Variants in RHBDL2 observed in about 807,000 individuals in gnomAD.
RHBDL2 encodes the protein rhomboid-related protein 2.
RHBDL2 carries 26 observed loss-of-function variants against 31.7 expected under a neutral mutation model. That is an observed-to-expected ratio of 0.82 (90% CI 0.60 to 1.14). RHBDL2 has a LOEUF of 1.14. Among genes scored for constraint, RHBDL2 ranks in the 50% most tolerant of loss-of-function variants. RHBDL2 has a pLI of 0.00. For synonymous variants in RHBDL2, 123 were observed against 127.2 expected (o/e 0.97, Z 0.22); for missense variants, 336 against 364.4 (o/e 0.92, Z 0.63).
At chr1:38,928,868 C>A (rs1384967716) in intron 1 of RHBDL2, among the ~76,000 whole-genome samples, 2 of 151,986 alleles carry the variant, frequency 1.3e-5, no homozygotes, top group Non-Finnish European at 2.9e-5. Flanking sequence ...TGAGACCAGC[C>A]TGGGCAACAC....
rs907117108 is a variant in RHBDL2, at chr1:38,915,637, T to C, written c.320A>G (p.Glu107Gly). 6.2e-7 allele frequency: 1 copy of C among 1,613,972 alleles called. No homozygotes were observed. Among genetic ancestry groups the C allele is most frequent in the Non-Finnish European group, 8.5e-7 (1 of 1,179,982 alleles). The change falls in exon 3 of 8, where the codon GAG (glutamate) becomes GGG (glycine). Residue 107 changes from glutamate to glycine, a missense_variant. By Grantham distance (98) the Glu-to-Gly change is moderately conservative. Coordinates refer to ENST00000372990, the MANE Select transcript of RHBDL2 (RefSeq NM_017821.5). ...QWITLDTGIL[E>G]SPFIYSPEKR... The stretch of plus-strand genomic sequence containing the variant: ...CTCAGGACTGTAGATAAAGGGACTC[T>C]CCAAGATGCCTGTGTCCAACGTGAT...
At position 38,919,079 on chromosome 1, in the gene RHBDL2, A is replaced by G. The variant is rs753390691; in HGVS notation, c.134T>C (p.Val45Ala). The change falls in exon 2 of 8, where the codon GTC becomes GCC. Residue 45 changes from valine to alanine, a missense_variant. Val to Ala is a moderately conservative substitution (Grantham distance 64). Transcript: ENST00000372990. ...GGKDRAKSKKVHRIVSKWMLP... is the reference protein window; with the variant it reads ...GGKDRAKSKKAHRIVSKWMLP... ...CATCCATTTTGAGACAATCCTGTGG[A>G]CCTTTTTACTCTTGGCCCGATCTTT... is the stretch of plus-strand genomic sequence containing the variant. 17 of 1,613,904 alleles carry G rather than the reference A, an allele frequency of 1.1e-5. No individual in the cohort carries two copies. The highest frequency in any genetic ancestry group is 1.4e-5 in the Non-Finnish European group (16 of 1,179,982).
At position 38,895,778 on chromosome 1, in the gene RHBDL2, G is replaced by A. The variant is rs1353131828; in HGVS notation, c.609+191C>T. Among the ~76,000 whole-genome samples the A allele has an allele frequency of 2.6e-5, 4 of 152,180 alleles. No homozygotes were observed. The East Asian group carries it at 5.8e-4, about 22-fold the overall frequency. On this transcript the variant is annotated intron_variant, in intron 5 of 7. Coordinates refer to ENST00000372990, the MANE Select transcript of RHBDL2 (RefSeq NM_017821.5). ...TTATCACACCACTGCATTCCAGCCTGGGCAATGGTGCAAGACTCTGTCTCA... is the reference window on the plus strand; with the variant it reads ...TTATCACACCACTGCATTCCAGCCTAGGCAATGGTGCAAGACTCTGTCTCA...
intron 1 of RHBDL2, among the ~76,000 whole-genome samples, chr1:38,931,312 G>A (rs542660141): frequency 6.6e-6 from 1 of 152,218 alleles, no homozygotes; most frequent in African/African-American, 2.4e-5. Context: ...ACGAGGTCAG[G>A]AGATCGAGAC....
chr1:38,913,090 C>A (rs1249443952), intron 3 of RHBDL2, among the ~76,000 whole-genome samples: 1 of 151,280 alleles, frequency 6.6e-6, no homozygotes, highest in East Asian at 1.9e-4. Flanking sequence ...TCAAACGATT[C>A]TCCTGCCTCA....
chr1:38,905,448 C>T (rs1009421696), intron 4 of RHBDL2, among the ~76,000 whole-genome samples: 5 of 149,082 alleles, frequency 3.4e-5, no homozygotes, highest in Non-Finnish European at 5.9e-5. Flanking sequence ...GTAAAGAGCA[C>T]CTACAAAAAA....
chr1:38,890,462 A>T (rs1232879157), intron 6 of RHBDL2, among the ~76,000 whole-genome samples: 1 of 152,196 alleles, frequency 6.6e-6, no homozygotes, highest in Non-Finnish European at 1.5e-5. Context: ...ACCTCCTCTC[A>T]GAAAGTCTTT....
intron 3 of RHBDL2, among the ~76,000 whole-genome samples, chr1:38,914,956 G>A (rs1240686703): frequency 6.8e-6 from 1 of 147,932 alleles, no homozygotes; most frequent in Admixed American, 6.7e-5. Context: ...TCCAACCCAG[G>A]AGGCGGAGGT....
intron 4 of RHBDL2, among the ~76,000 whole-genome samples, chr1:38,904,290 G>A (rs1420778674): frequency 6.6e-6 from 1 of 151,872 alleles, no homozygotes; most frequent in Non-Finnish European, 1.5e-5. Flanking sequence ...CCAACGTAGT[G>A]AAACCCCGTC....
intron 4 of RHBDL2, among the ~76,000 whole-genome samples, chr1:38,910,170 A>G (rs74583417): frequency 0.012 from 1,877 of 152,334 alleles, 54 homozygotes; most frequent in African/African-American, 0.043. Flanking sequence ...AATGGAGAAC[A>G]GGTTAGTGGT....
In RHBDL2 at chr1:38,919,097, C is replaced by T. The variant is rs758328005; in HGVS notation, c.116G>A (p.Arg39Gln). 7 of 1,613,994 alleles carry T rather than the reference C, an allele frequency of 4.3e-6. No homozygotes were observed. In the South Asian group the frequency reaches 4.4e-5, roughly 10 times the overall value. The change falls in exon 2 of 8, where the codon CGG (arginine) becomes CAG (glutamine). Residue 39 changes from arginine (R) to glutamine (Q), a missense_variant. Transcript: ENST00000372990. ...CCTGTGGACCTTTTTACTCTTGGCCCGATCTTTACCTCCCCCATCCTCTCT... is the reference window on the plus strand; with the variant it reads ...CCTGTGGACCTTTTTACTCTTGGCCTGATCTTTACCTCCCCCATCCTCTCT... ...KMREDGGGKDRAKSKKVHRIV... is the reference protein window; with the variant it reads ...KMREDGGGKDQAKSKKVHRIV...
chr1:38,935,725 A>T (rs1381077691), intron 1 of RHBDL2, among the ~76,000 whole-genome samples: 1 of 151,696 alleles, frequency 6.6e-6, no homozygotes, highest in Non-Finnish European at 1.5e-5. Flanking sequence ...CTATCCTTCC[A>T]CCTTAGCCTC....
intron 4 of RHBDL2, among the ~76,000 whole-genome samples, chr1:38,908,738 G>A (rs1456752624): frequency 2.0e-5 from 3 of 152,110 alleles, no homozygotes; most frequent in Admixed American, 2.0e-4. Context: ...TGAAGCCCCA[G>A]TGGGCATGTG....
intron 4 of RHBDL2, among the ~76,000 whole-genome samples, chr1:38,903,277 T>C (rs531007509): frequency 1.3e-5 from 2 of 151,902 alleles, no homozygotes; most frequent in East Asian, 3.9e-4. Context: ...GTAGCTGGGA[T>C]TACAGGCGCC....
At chr1:38,888,470 G>A (rs1229194400) in intron 6 of RHBDL2, among the ~76,000 whole-genome samples, 9 of 152,314 alleles carry the variant, frequency 5.9e-5, no homozygotes, top group Admixed American at 5.2e-4. Flanking sequence ...GCCAGTTGTC[G>A]AGTGTGATTT....
chr1:38,920,198 C>T (rs1371020212), intron 1 of RHBDL2, among the ~76,000 whole-genome samples: 11 of 110,004 alleles, frequency 1.0e-4, no homozygotes, highest in Non-Finnish European at 1.3e-4. Context: ...GATGTAGTCT[C>T]GCTCTGTCAC....
intron 1 of RHBDL2, among the ~76,000 whole-genome samples, chr1:38,920,310 G>A (rs570323729): frequency 6.6e-6 from 1 of 151,094 alleles, no homozygotes; most frequent in East Asian, 2.0e-4. Context: ...TGGGATTATG[G>A]GCACCCGGCA....
rs1046390780 is a variant in RHBDL2 at position 38,908,394 on chromosome 1, C to A, written c.508+2928G>T. Among the ~76,000 whole-genome samples the A allele has an allele frequency of 4.0e-5, 6 of 151,634 alleles. 1 individual carries two copies. Among genetic ancestry groups the A allele is most frequent in the South Asian group, 4.1e-4 (2 of 4,822 alleles). On this transcript the variant is annotated intron_variant, in intron 4 of 7. Transcript: ENST00000372990. Reference sequence around the variant, plus strand: ...GGGTGTGGTGGTGCCCACCTGTAATCCCAGCTACTCGGGAGGCTGAGGCAG... The same window carrying A: ...GGGTGTGGTGGTGCCCACCTGTAATACCAGCTACTCGGGAGGCTGAGGCAG...
intron 1 of RHBDL2, among the ~76,000 whole-genome samples, chr1:38,925,038 C>T (rs75417263): frequency 0.062 from 9,350 of 151,708 alleles, 903 homozygotes; most frequent in African/African-American, 0.21. Flanking sequence ...ACCTAGGCCT[C>T]ATAAAGTGCT....
Sources: gnomAD v4.1 joint callset for allele counts (sites outside exome capture counted in the v4.1 genomes callset) on GRCh38, gnomAD v4.1.1 for gene constraint, MANE v1.5 for transcripts, NCBI Gene and HGNC (gene_info 2026-07-23, HGNC 2026-07-21) for gene names.